Variants in ADGRV1 observed in about 807,000 individuals in gnomAD.
ADGRV1 encodes adhesion G protein-coupled receptor V1, also known as G-protein coupled receptor 98.
A neutral mutation model predicts 596.2 loss-of-function variants in ADGRV1; 359 were observed. The ratio of observed to expected loss-of-function variants is 0.60; its 90% CI spans 0.55 to 0.66. The LOEUF is 0.66. Among genes scored for constraint, ADGRV1 ranks in the 30% least tolerant of loss-of-function variants. The pLI is 0.00. For missense variants in ADGRV1, 7,274 were observed against 7,575.6 expected, an observed-to-expected ratio of 0.96 and a Z score of 1.48; for synonymous variants, 2,681 against 2,679.2, an observed-to-expected ratio of 1.00 and a Z score of -0.02.
intron 89 of ADGRV1, among the ~76,000 whole-genome samples, chr5:91,159,010 A>C (rs533893411): frequency 6.6e-5 from 10 of 152,306 alleles, no homozygotes; most frequent in Non-Finnish European, 1.3e-4. Flanking sequence ...AGTTAGGAAT[A>C]ATGTTCAGAT....
chr5:90,565,255 A>G (rs901538445), intron 1 of ADGRV1, among the ~76,000 whole-genome samples: 2 of 152,142 alleles, frequency 1.3e-5, no homozygotes, highest in African/African-American at 2.4e-5. Flanking sequence ...AAGTTGTGCA[A>G]CCATCACCAC....
intron 85 of ADGRV1, among the ~76,000 whole-genome samples, chr5:91,003,414 C>T (rs193288000): frequency 9.8e-5 from 15 of 152,300 alleles, no homozygotes; most frequent in Admixed American, 4.6e-4. Context: ...CTGAAACATA[C>T]GCTAGAAATC....
chr5:90,846,250 C>G (rs1397357930), intron 78 of ADGRV1: 1 of 149,996 alleles, frequency 6.7e-6, no homozygotes, highest in Non-Finnish European at 1.5e-5. Context: ...ACAGATAAAT[C>G]ATTTCAAGGT....
At chr5:90,951,813 C>A (rs1468696151) in intron 83 of ADGRV1, among the ~76,000 whole-genome samples, 1 of 151,992 alleles carries the variant, frequency 6.6e-6, no homozygotes, top group African/African-American at 2.4e-5. Context: ...AGATCCCTGC[C>A]CTCAAAGTGC....
chr5:90,808,950 TG>T (rs1203305018), intron 73 of ADGRV1, among the ~76,000 whole-genome samples: 1 of 54,720 alleles, frequency 1.8e-5, no homozygotes, highest in African/African-American at 2.8e-5. Context: ...CAGGCATAAA[TG>T]TTTTTTTTTT....
At chr5:90,924,253 T>G (rs1266678445) in intron 83 of ADGRV1, among the ~76,000 whole-genome samples, 1 of 151,516 alleles carries the variant, frequency 6.6e-6, no homozygotes, top group Non-Finnish European at 1.5e-5. Flanking sequence ...ACCAACAGTG[T>G]AAAAGTGTTC....
intron 1 of ADGRV1, among the ~76,000 whole-genome samples, chr5:90,610,856 A>G (rs967564345): frequency 2.4e-4 from 36 of 152,002 alleles, no homozygotes; most frequent in African/African-American, 8.0e-4. Flanking sequence ...GATTATCAAA[A>G]TGTGGCTCCT....
chr5:90,888,234 G>T (rs1581425297), intron 83 of ADGRV1, among the ~76,000 whole-genome samples: 1 of 152,162 alleles, frequency 6.6e-6, no homozygotes, highest in African/African-American at 2.4e-5. Flanking sequence ...CTAGAAGGAA[G>T]AGTGAGCTAA....
At chr5:91,065,262 G>A (rs1374759230) in intron 85 of ADGRV1, among the ~76,000 whole-genome samples, 1 of 152,064 alleles carries the variant, frequency 6.6e-6, no homozygotes, top group Non-Finnish European at 1.5e-5. Flanking sequence ...TATCATTGAA[G>A]AAATACTCAG....
chr5:91,062,434 G>A (rs1787520781), intron 85 of ADGRV1, among the ~76,000 whole-genome samples: 2 of 152,194 alleles, frequency 1.3e-5, no homozygotes, highest in East Asian at 3.8e-4. Flanking sequence ...GGAGAGTGGG[G>A]GTGGAGGATG....
intron 87 of ADGRV1, among the ~76,000 whole-genome samples, chr5:91,107,216 G>A (rs1206221435): frequency 1.3e-5 from 2 of 152,122 alleles, no homozygotes; most frequent in Non-Finnish European, 2.9e-5. Flanking sequence ...AATAGAGACT[G>A]CAAAGAGAGA....
intron 88 of ADGRV1, 42 bp downstream of exon 88, chr5:91,150,263 GTCTCTC>G: frequency 7.6e-7 from 1 of 1,315,252 alleles, no homozygotes; most frequent in Non-Finnish European, 1.0e-6. Context: ...CTCTGTCTCT[GTCTCTC>G]TCTCTCTCTC....
intron 55 of ADGRV1, among the ~76,000 whole-genome samples, chr5:90,756,236 C>G (rs141050189): frequency 1.3e-4 from 20 of 151,956 alleles, no homozygotes; most frequent in Non-Finnish European, 2.2e-4. Flanking sequence ...TGTGAAGATT[C>G]CATTGAAACA....
Position 90,724,925 on chromosome 5 carries a change from G to A in ADGRV1, c.9842G>A (p.Gly3281Asp). Residue 3281 changes from glycine to aspartate, a missense_variant, in exon 46 of 90, where the codon GGT (glycine) becomes GAT (aspartate). Coordinates refer to ENST00000405460, the MANE Select transcript of ADGRV1 (RefSeq NM_032119.4). ...TTTACTTTGGAAAATTTAATATATG[G>A]TATAATGTTAAGAAAATCATCTGTT... ...CFFTLENLIYGIMLRKSSVTV... is the reference protein window; with the variant it reads ...CFFTLENLIYDIMLRKSSVTV... 1.2e-6 allele frequency: 2 copies of A among 1,609,924 alleles called. No individual in the cohort carries two copies. The highest frequency in any genetic ancestry group is 1.7e-6 in the Non-Finnish European group (2 of 1,177,198).
intron 1 of ADGRV1, among the ~76,000 whole-genome samples, chr5:90,569,827 A>C (rs1032937833): frequency 5.3e-4 from 81 of 152,094 alleles, no homozygotes; most frequent in African/African-American, 1.9e-3. Flanking sequence ...GCGTGCAATA[A>C]TTTTGCTCCT....
At chr5:90,917,070 A>T (rs147366925) in intron 83 of ADGRV1, among the ~76,000 whole-genome samples, 1 of 152,230 alleles carries the variant, frequency 6.6e-6, no homozygotes, top group African/African-American at 2.4e-5. Context: ...TTTCCAGACC[A>T]TATCGAAAAG....
In ADGRV1 at chr5:90,774,269, A is replaced by G. The variant is rs202228562; in HGVS notation, c.12369A>G (p.Ile4123Met). The change falls in exon 60 of 90, where the codon ATA (isoleucine) becomes ATG (methionine). Residue 4123 changes from isoleucine (I) to methionine (M), a missense_variant. Around this residue, in one of 5 missense-constraint regions of ADGRV1, gnomAD observed 3,643 missense variants for 3,809.2 expected, o/e 0.96. Coordinates refer to ENST00000405460, the MANE Select transcript of ADGRV1 (RefSeq NM_032119.4). ...ACAGGCGTTTCACCATTCAGCTGAT[A>G]TCAATTGATGAGGTAGAAATATCTC... ...EEDRRFTIQL[I>M]SIDEVEISPV... 58 of 1,599,728 alleles carry G rather than the reference A, an allele frequency of 3.6e-5. No homozygotes were observed. In the Admixed American group the frequency reaches 7.2e-4, roughly 20 times the overall value.
intron 1 of ADGRV1, among the ~76,000 whole-genome samples, chr5:90,599,682 T>C (rs1761160762): frequency 6.6e-6 from 1 of 152,180 alleles, no homozygotes; most frequent in South Asian, 2.1e-4. Flanking sequence ...AGATTTTTCC[T>C]TAGAGATATA....
intron 83 of ADGRV1, among the ~76,000 whole-genome samples, chr5:90,963,067 T>C (rs922266072): frequency 3.3e-5 from 5 of 152,194 alleles, no homozygotes; most frequent in African/African-American, 1.2e-4. Flanking sequence ...ACAACCTACA[T>C]AAGTTGATTA....
Sources: allele counts gnomAD v4.1 joint callset (sites outside exome capture counted in the v4.1 genomes callset), GRCh38; gene constraint gnomAD v4.1.1; regional missense constraint gnomAD v4.1.1; transcripts MANE v1.5; gene names NCBI Gene and HGNC (gene_info 2026-07-23, HGNC 2026-07-21).